BANK1: variants seen among roughly 807,000 people sequenced by gnomAD.
The protein encoded by BANK1 is B cell scaffold protein with ankyrin repeats 1.
In BANK1, 95 loss-of-function variants were observed where a neutral mutation model predicts 94.5. The observed-to-expected ratio is 1.00, with a 90% CI of 0.85 to 1.19. The LOEUF (loss-of-function observed/expected upper bound fraction) is 1.19, where lower values mean the gene tolerates loss of function less well. Ranked by LOEUF, BANK1 falls within the 50% of genes most tolerant of loss-of-function variation. The pLI is 0.00. For synonymous variants in BANK1, 334 were observed against 308.4 expected, an observed-to-expected ratio of 1.08 and a Z score of -0.87; for missense variants, 987 against 932.2, an observed-to-expected ratio of 1.06 and a Z score of -0.77.
At chr4:101,895,772 T>C (rs1722052094) in intron 6 of BANK1, among the ~76,000 whole-genome samples, 1 of 151,930 alleles carries the variant, frequency 6.6e-6, no homozygotes, top group Admixed American at 6.6e-5. Context: ...TGATTATACA[T>C]ATTTTCATAC....
chr4:101,855,232 A>ATGG (rs755573259), intron 3 of BANK1, 43 bp downstream of exon 3: 17 of 1,565,622 alleles, frequency 1.1e-5, no homozygotes, highest in Non-Finnish European at 1.5e-5. Context: ...CCATTGTGTT[A>ATGG]TGGTGGTGGT....
intron 5 of BANK1, among the ~76,000 whole-genome samples, chr4:101,879,834 A>C (rs777196767): frequency 6.6e-6 from 1 of 152,140 alleles, no homozygotes; most frequent in Non-Finnish European, 1.5e-5. Context: ...AATGAAGGAC[A>C]AAAACCATAT....
chr4:102,041,727 C>T (rs1268281284), intron 10 of BANK1, among the ~76,000 whole-genome samples: 1 of 152,006 alleles, frequency 6.6e-6, no homozygotes, highest in African/African-American at 2.4e-5. Context: ...ATATTCTGCC[C>T]TTGTCCCCAG....
At chr4:101,894,607 C>G (rs1262577301) in intron 5 of BANK1, among the ~76,000 whole-genome samples, 1 of 151,758 alleles carries the variant, frequency 6.6e-6, no homozygotes, top group East Asian at 1.9e-4. Flanking sequence ...GTTGATTGGC[C>G]CACCTCCTTA....
chr4:101,933,460 G>C (rs1374870837), intron 7 of BANK1, among the ~76,000 whole-genome samples: 1 of 151,498 alleles, frequency 6.6e-6, no homozygotes, highest in Non-Finnish European at 1.5e-5. Flanking sequence ...TTACACAAGG[G>C]TTGTTATGTC....
chr4:101,869,600 G>C (rs1200046938), intron 4 of BANK1, among the ~76,000 whole-genome samples: 1 of 151,874 alleles, frequency 6.6e-6, no homozygotes, highest in Non-Finnish European at 1.5e-5. Flanking sequence ...ATGAGATAAA[G>C]TGAAATTAAT....
intron 7 of BANK1, among the ~76,000 whole-genome samples, chr4:101,987,889 G>A (rs1725569807): frequency 6.6e-6 from 1 of 152,152 alleles, no homozygotes; most frequent in South Asian, 2.1e-4. Flanking sequence ...TAGCAGTCAT[G>A]TGCGTTGCCT....
Position 101,867,265 on chromosome 4 carries a change from T to A in BANK1, c.764-3240T>A, listed in dbSNP as rs192041499. Among the ~76,000 whole-genome samples, 956 of 151,492 alleles carry A rather than the reference T, an allele frequency of 6.3e-3. 11 individuals are homozygous for A. The highest frequency in any genetic ancestry group is 0.022 in the African/African-American group (919 of 41,294). On this transcript the variant is annotated intron_variant, in intron 4 of 16. Coordinates refer to ENST00000322953, the MANE Select transcript of BANK1 (RefSeq NM_017935.5). ...ATAGTGGAGTAAAATATTTTAAGTA[T>A]TGTGAAAAAAAGGAACCCACCAATC...
chr4:102,041,137 T>C lies in BANK1; in HGVS notation c.1901-2702T>C, dbSNP rs570490529. Reference sequence around the variant, plus strand: ...CCTACACTCAGTTCTCACCCTGTTATGGATTTTATATCTACCTCTTGTAAA... The same window carrying C: ...CCTACACTCAGTTCTCACCCTGTTACGGATTTTATATCTACCTCTTGTAAA... On this transcript the variant is annotated intron_variant, in intron 10 of 16. Coordinates refer to ENST00000322953, the MANE Select transcript of BANK1 (RefSeq NM_017935.5). 5.3e-5 allele frequency among the ~76,000 whole-genome samples: 8 copies of C among 152,178 alleles called. No homozygotes were observed. In the South Asian group the frequency reaches 1.7e-3, roughly 32 times the overall value.
chr4:101,923,748 A>C (rs1723071446), intron 7 of BANK1, among the ~76,000 whole-genome samples: 1 of 151,868 alleles, frequency 6.6e-6, no homozygotes, highest in African/African-American at 2.4e-5. Flanking sequence ...TGTGTGAAGA[A>C]GGCAGAGTAG....
At chr4:101,998,157 C>T (rs1252519626) in intron 7 of BANK1, among the ~76,000 whole-genome samples, 1 of 152,026 alleles carries the variant, frequency 6.6e-6, no homozygotes, top group Non-Finnish European at 1.5e-5. Context: ...TTTATTTATG[C>T]CTTAATTTCG....
chr4:101,887,910 T>C (rs1200749998), intron 5 of BANK1, among the ~76,000 whole-genome samples: 1 of 152,238 alleles, frequency 6.6e-6, no homozygotes, highest in Admixed American at 6.5e-5. Flanking sequence ...TGAGCACGTA[T>C]AAAGTTTTTA....
At chr4:102,031,419 C>T (rs145400551) in intron 10 of BANK1, among the ~76,000 whole-genome samples, 1,568 of 152,290 alleles carry the variant, frequency 0.01, 29 homozygotes, top group African/African-American at 0.036. Context: ...GTTTCTTTTG[C>T]TGTGCAGAAG....
chr4:101,804,516 GA>G (rs1725488271), intron 1 of BANK1, among the ~76,000 whole-genome samples: 1 of 152,156 alleles, frequency 6.6e-6, no homozygotes, highest in African/African-American at 2.4e-5. Flanking sequence ...GTACTCCCAA[GA>G]AGAAGAGAAA....
Position 101,801,316 on chromosome 4 carries a change from G to A in BANK1, c.70+10366G>A, listed in dbSNP as rs987954882. 3.5e-4 allele frequency among the ~76,000 whole-genome samples: 53 copies of A among 152,022 alleles called. 2 individuals carry two copies. The highest frequency in any genetic ancestry group is 1.2e-4 in the Non-Finnish European group (8 of 68,008). Reference sequence around the variant, plus strand: ...TTGATGAAATAAAATTAGTATTATTGTAATTAACTTACTTTTTATTTGTTG... The same window carrying A: ...TTGATGAAATAAAATTAGTATTATTATAATTAACTTACTTTTTATTTGTTG... On this transcript the variant is annotated intron_variant, in intron 1 of 16. Transcript: ENST00000322953.
At chr4:101,993,765 A>ACT (rs1725785702) in intron 7 of BANK1, among the ~76,000 whole-genome samples, 1 of 152,234 alleles carries the variant, frequency 6.6e-6, no homozygotes, top group Admixed American at 6.5e-5. Flanking sequence ...CAAATTAAAA[A>ACT]GCTGGCACAA....
chr4:101,943,108 G>T (rs1723808565), intron 7 of BANK1, among the ~76,000 whole-genome samples: 1 of 151,916 alleles, frequency 6.6e-6, no homozygotes, highest in African/African-American at 2.4e-5. Context: ...AGGTGAGAGA[G>T]AATGTGATGA....
chr4:101,880,633 A>G (rs1299670762), intron 5 of BANK1, among the ~76,000 whole-genome samples: 1 of 152,058 alleles, frequency 6.6e-6, no homozygotes, highest in East Asian at 1.9e-4. Context: ...AACTCTAAGC[A>G]AAAGAAATTG....
intron 6 of BANK1, among the ~76,000 whole-genome samples, chr4:101,899,385 T>C (rs188364329): frequency 1.0e-3 from 157 of 152,218 alleles, no homozygotes; most frequent in African/African-American, 3.7e-3. Context: ...TTCCACTCCA[T>C]TTTTTTGCTA....
Sources: gnomAD v4.1 joint callset for allele counts (sites outside exome capture counted in the v4.1 genomes callset) on GRCh38, gnomAD v4.1.1 for gene constraint, MANE v1.5 for transcripts, NCBI Gene and HGNC (gene_info 2026-07-23, HGNC 2026-07-21) for gene names.